The following ZNF157 variants were observed in gnomAD, a reference collection of about 807,000 sequenced individuals.
The protein encoded by ZNF157 is zinc finger protein 157.
A neutral mutation model predicts 9.4 loss-of-function variants in ZNF157; 8 were observed. That is an observed-to-expected ratio of 0.85 (90% CI 0.50 to 1.53). ZNF157 has a LOEUF of 1.53. Ranked by LOEUF, ZNF157 falls within the 40% of genes most tolerant of loss-of-function variation. The pLI is 0.00. For missense variants in ZNF157, 316 were observed against 385.2 expected, an observed-to-expected ratio of 0.82 and a Z score of 1.50; for synonymous variants, 120 against 130.8, an observed-to-expected ratio of 0.92 and a Z score of 0.56.
At chrX:47,373,465 G>A (rs1602756907) in intron 1 of ZNF157, among the ~76,000 whole-genome samples, 1 of 111,013 alleles carries the variant, frequency 9.0e-6, no homozygotes, top group African/African-American at 3.3e-5. Flanking sequence ...GTTTGATAAC[G>A]CCAAGGTAGC....
chrX:47,390,408 A>G (rs2055893346), intron 1 of ZNF157: 1 of 111,949 alleles, frequency 8.9e-6, no homozygotes, highest in Admixed American at 9.5e-5. Flanking sequence ...CTTGTATAAG[A>G]TTTCCTCTTG....
intron 1 of ZNF157, among the ~76,000 whole-genome samples, chrX:47,393,011 C>T (rs2055901713): frequency 2.7e-5 from 3 of 110,844 alleles, no homozygotes; most frequent in South Asian, 7.6e-4. Context: ...AAAAATTAGC[C>T]AGGCATGGTG....
intron 1 of ZNF157, among the ~76,000 whole-genome samples, chrX:47,380,595 C>T (rs1248595990): frequency 9.0e-6 from 1 of 110,652 alleles, no homozygotes; most frequent in Non-Finnish European, 1.9e-5. Flanking sequence ...CATTTTGCAT[C>T]GTAGTGCACA....
intron 1 of ZNF157, among the ~76,000 whole-genome samples, chrX:47,371,335 CAA>C (rs767641358): frequency 2.4e-5 from 2 of 84,311 alleles, no homozygotes; most frequent in Non-Finnish European, 2.4e-5. Flanking sequence ...GACCCTGTCT[CAA>C]AAAAAAAAAA....
At chrX:47,394,241 C>T (rs1219645415) in intron 1 of ZNF157, among the ~76,000 whole-genome samples, 2 of 111,331 alleles carry the variant, frequency 1.8e-5, no homozygotes, top group Admixed American at 9.7e-5. Flanking sequence ...GGATTACAGG[C>T]GTGAGCCACC....
intron 1 of ZNF157, among the ~76,000 whole-genome samples, chrX:47,404,222 G>A (rs190661337): frequency 0.011 from 1,176 of 109,995 alleles, 12 homozygotes; most frequent in Middle Eastern, 0.023. Flanking sequence ...CTGGAGTGCA[G>A]TGGCTTGATA....
At chrX:47,383,685 A>G (rs890980314) in intron 1 of ZNF157, among the ~76,000 whole-genome samples, 7 of 40,631 alleles carry the variant, frequency 1.7e-4, no homozygotes, top group Non-Finnish European at 3.2e-4. Flanking sequence ...TCTGTCTCAG[A>G]AAAAAAAAAA....
At chrX:47,371,353 T>C (rs1035108781) in intron 1 of ZNF157, among the ~76,000 whole-genome samples, 10 of 108,595 alleles carry the variant, frequency 9.2e-5, no homozygotes, top group African/African-American at 2.7e-4. Flanking sequence ...AAAAAAAGTT[T>C]TATTTGCCGG....
intron 1 of ZNF157, among the ~76,000 whole-genome samples, chrX:47,398,959 A>G (rs1452559682): frequency 1.8e-5 from 2 of 110,704 alleles, no homozygotes; most frequent in African/African-American, 3.3e-5. Flanking sequence ...GGAGTGAGCC[A>G]CTGCACCTGG....
chrX:47,399,362 T>C lies in ZNF157; in HGVS notation c.73-10914T>C, dbSNP rs181347482. Among the ~76,000 whole-genome samples, 156 of 111,710 alleles carry C rather than the reference T, an allele frequency of 1.4e-3. 1 individual carries two copies. The highest frequency in any genetic ancestry group is 4.8e-3 in the African/African-American group (148 of 30,839). ...TTAGGCCCATAGGAATTTTGGCATA[T>C]ATATATTTTTAAAGTATAGTTACAG... On this transcript the variant is annotated intron_variant, in intron 1 of 3. Transcript: ENST00000377073.
At chrX:47,397,039 C>A (rs923274447) in intron 1 of ZNF157, among the ~76,000 whole-genome samples, 2 of 110,284 alleles carry the variant, frequency 1.8e-5, no homozygotes, top group Non-Finnish European at 3.8e-5. Flanking sequence ...GTGGGAGCAA[C>A]AATTCAAGAT....
intron 1 of ZNF157, among the ~76,000 whole-genome samples, chrX:47,395,028 G>A (rs2055909117): frequency 9.0e-6 from 1 of 111,189 alleles, no homozygotes. Context: ...TCACCATGTT[G>A]CCCAGGCTGG....
intron 1 of ZNF157, chrX:47,392,221 C>G (rs1404355989): frequency 7.0e-6 from 1 of 141,895 alleles, no homozygotes; most frequent in African/African-American, 3.2e-5. Flanking sequence ...AGCAACAGAA[C>G]TGTTTGAGGA....
At chrX:47,382,750 G>A (rs751833092) in intron 1 of ZNF157, among the ~76,000 whole-genome samples, 1 of 109,705 alleles carries the variant, frequency 9.1e-6, no homozygotes, top group Non-Finnish European at 1.9e-5. Flanking sequence ...GCCAAGAGGA[G>A]CACCCCTGAT....
intron 1 of ZNF157, among the ~76,000 whole-genome samples, chrX:47,403,776 A>G (rs1454668898): frequency 8.9e-6 from 1 of 112,597 alleles, no homozygotes; most frequent in Non-Finnish European, 1.9e-5. Context: ...ATTTTAAAGC[A>G]GCCATCATAA....
chrX:47,399,017 G>A (rs1406943752), intron 1 of ZNF157, among the ~76,000 whole-genome samples: 1 of 111,714 alleles, frequency 9.0e-6, no homozygotes, highest in Non-Finnish European at 1.9e-5. Context: ...GGCCAGGCTG[G>A]TCTCGAACTC....
At position 47,412,498 on chromosome X, in the gene ZNF157, C is replaced by T. The variant is rs1464161815; in HGVS notation, c.425C>T (p.Ala142Val). 5 of 1,210,160 alleles carry T rather than the reference C, an allele frequency of 4.1e-6. No individual in the cohort carries two copies. Among genetic ancestry groups the T allele is most frequent in the Non-Finnish European group, 5.6e-6 (5 of 895,148 alleles). The change falls in exon 4 of 4, where the codon GCC (alanine) becomes GTC (valine). Residue 142 changes from alanine to valine, a missense_variant. Transcript: ENST00000377073. ...GTTGAATATAATGGATGCAGGAAAG[C>T]CTTCCATGAGAAAACAGGCTTTGTT... Reference protein sequence around the residue: ...QNVEYNGCRKAFHEKTGFVRR... With the variant: ...QNVEYNGCRKVFHEKTGFVRR...
chrX:47,397,844 A>G (rs6609492), intron 1 of ZNF157, among the ~76,000 whole-genome samples: 25,433 of 109,279 alleles, frequency 0.23, 2,755 homozygotes, highest in South Asian at 0.4. Context: ...TTCCAGTTCA[A>G]TGAAATCACT....
intron 1 of ZNF157, among the ~76,000 whole-genome samples, chrX:47,387,285 G>A (rs1347474433): frequency 4.5e-5 from 5 of 110,352 alleles, no homozygotes; most frequent in African/African-American, 1.6e-4. Context: ...CACCATGCCC[G>A]GCTAGTTTTG....
Sources: gnomAD v4.1 joint callset for allele counts (sites outside exome capture counted in the v4.1 genomes callset) on GRCh38, gnomAD v4.1.1 for gene constraint, MANE v1.5 for transcripts, NCBI Gene and HGNC (gene_info 2026-07-23, HGNC 2026-07-21) for gene names.